The following HECW1 variants were observed in gnomAD, a reference collection of about 807,000 sequenced individuals.
HECW1 encodes the protein E3 ubiquitin-protein ligase HECW1.
HECW1 carries 61 observed loss-of-function variants against 182.3 expected under a neutral mutation model. That is an observed-to-expected ratio of 0.33 (90% CI 0.27 to 0.41). The LOEUF (loss-of-function observed/expected upper bound fraction) is 0.41. Ranked by LOEUF, HECW1 falls within the 10% of genes least tolerant of loss-of-function variation. The pLI, the probability that HECW1 is intolerant of heterozygous loss-of-function variation, is 1.00. For synonymous variants in HECW1, 859 were observed against 832.6 expected (o/e 1.03, Z -0.55); for missense variants, 1,739 against 2,108.9 (o/e 0.82, Z 3.44).
At chr7:43,274,644 GGAGAGAGA>G in intron 3 of HECW1, 1 of 313,590 alleles carries the variant, frequency 3.2e-6, no homozygotes, top group Non-Finnish European at 6.1e-6. Context: ...GGGGAGGGAG[GGAGAGAGA>G]GAGAGAGAGA....
At chr7:43,463,479 G>A (rs1467226314) in intron 13 of HECW1, among the ~76,000 whole-genome samples, 181 bp from the exon 14 acceptor site, 2 of 152,150 alleles carry the variant, frequency 1.3e-5, no homozygotes, top group Non-Finnish European at 2.9e-5. Flanking sequence ...AAAAGAACTT[G>A]AATCGTCTTA....
In HECW1 at chr7:43,216,960, G is replaced by A. The variant is rs1192541432; in HGVS notation, c.-31-26915G>A. On this transcript the variant is annotated intron_variant, in intron 2 of 29. Transcript: ENST00000395891. ...GTGAGCCACCACTCCCAGCTGCAGT[G>A]TAATCTTAAAGCATCCTTGCACCAG... 7.2e-5 allele frequency among the ~76,000 whole-genome samples: 11 copies of A among 152,228 alleles called. No homozygotes were observed. In the East Asian group the frequency reaches 1.9e-3, roughly 27 times the overall value.
At chr7:43,427,186 C>T (rs993304845) in intron 8 of HECW1, among the ~76,000 whole-genome samples, 7 of 152,208 alleles carry the variant, frequency 4.6e-5, no homozygotes, top group African/African-American at 1.7e-4. Flanking sequence ...TGATGTATAA[C>T]TAGACACAAA....
At chr7:43,217,145 A>C (rs1331979923) in intron 2 of HECW1, among the ~76,000 whole-genome samples, 4 of 149,966 alleles carry the variant, frequency 2.7e-5, no homozygotes, top group African/African-American at 1.0e-4. Context: ...GCAACTTATT[A>C]CCGAGTACAT....
intron 2 of HECW1, among the ~76,000 whole-genome samples, chr7:43,156,276 G>A (rs1789875085): frequency 6.6e-6 from 1 of 152,188 alleles, no homozygotes; most frequent in Non-Finnish European, 1.5e-5. Flanking sequence ...CAGAGTCTCT[G>A]AGGTATCTGG....
At chr7:43,438,342 A>G in intron 9 of HECW1, 197 bp downstream of exon 9, 1 of 462,776 alleles carries the variant, frequency 2.2e-6, no homozygotes, top group Non-Finnish European at 3.8e-6. Context: ...ATCCCTTTTC[A>G]CTTGATGTGT....
rs1473156187 is a variant in HECW1, at chr7:43,442,509, T to A, written c.945-20T>A. 1 of 1,555,900 alleles carries A rather than the reference T, an allele frequency of 6.4e-7. No homozygotes were observed. The highest frequency in any genetic ancestry group is 1.7e-5 in the Admixed American group (1 of 59,678). On this transcript the variant is annotated intron_variant, in intron 9 of 29. Coordinates refer to ENST00000395891, the MANE Select transcript of HECW1 (RefSeq NM_015052.5). ...AGAGAGGTATTGACCAGAACTGTGA[T>A]GGTGCTTATTTCCTTCTAGGGATAG...
chr7:43,358,176 G>A (rs905048884), intron 5 of HECW1, among the ~76,000 whole-genome samples: 8 of 152,080 alleles, frequency 5.3e-5, no homozygotes, highest in African/African-American at 4.8e-5. Flanking sequence ...TGATCCCACC[G>A]GCACCTACAG....
At chr7:43,277,208 T>C (rs1266033752) in intron 3 of HECW1, among the ~76,000 whole-genome samples, 1 of 152,140 alleles carries the variant, frequency 6.6e-6, no homozygotes, top group African/African-American at 2.4e-5. Flanking sequence ...ACTCAGGCAA[T>C]GGATGACCCT....
chr7:43,327,870 A>C (rs1247363013), intron 5 of HECW1, among the ~76,000 whole-genome samples: 1 of 152,140 alleles, frequency 6.6e-6, no homozygotes, highest in African/African-American at 2.4e-5. Context: ...CATAATAGTG[A>C]TTAAAGAGCA....
At chr7:43,225,397 G>C (rs183438662) in intron 2 of HECW1, among the ~76,000 whole-genome samples, 57 of 152,252 alleles carry the variant, frequency 3.7e-4, no homozygotes, top group African/African-American at 1.4e-3. Flanking sequence ...ACCAAGAGAC[G>C]TGGGCTTGTG....
chr7:43,362,131 CA>C (rs34879817), intron 6 of HECW1, among the ~76,000 whole-genome samples: 15,937 of 87,520 alleles, frequency 0.18, 654 homozygotes, highest in Non-Finnish European at 0.24. Context: ...AACTCCGTCT[CA>C]AAAAAAAAAA....
chr7:43,283,443 A>G (rs969813815), intron 3 of HECW1, among the ~76,000 whole-genome samples: 1 of 152,134 alleles, frequency 6.6e-6, no homozygotes, highest in Non-Finnish European at 1.5e-5. Flanking sequence ...CACTTTTTTT[A>G]ATTTTGGAAA....
chr7:43,215,130 T>G (rs1796329149), intron 2 of HECW1, among the ~76,000 whole-genome samples: 1 of 152,284 alleles, frequency 6.6e-6, no homozygotes, highest in East Asian at 1.9e-4. Context: ...ACATTCTTCT[T>G]GTTTACTAAC....
chr7:43,508,077 C>A lies in HECW1; in HGVS notation c.3812C>A (p.Ser1271Ter). The stretch of plus-strand genomic sequence containing the variant: ...ACCTTCAATCAGGTGATGGCCTATT[C>A]GCGGAAAGAGCTCCAGCGAAACAAG... ...EGTFNQVMAY[S>*]RKELQRNKLY... Residue 1271 changes from serine to a stop codon, truncating the protein, a stop_gained, in exon 23 of 30, where the codon TCG (serine) becomes TAG (stop). Coordinates refer to ENST00000395891, the MANE Select transcript of HECW1 (RefSeq NM_015052.5). LOFTEE classifies it high-confidence loss of function. 6.2e-7 allele frequency: 1 copy of A among 1,614,010 alleles called. No homozygotes were observed. The highest frequency in any genetic ancestry group is 8.5e-7 in the Non-Finnish European group (1 of 1,179,926).
intron 2 of HECW1, among the ~76,000 whole-genome samples, chr7:43,126,672 C>T (rs749528683): frequency 1.4e-4 from 22 of 152,158 alleles, no homozygotes; most frequent in Non-Finnish European, 2.8e-4. Flanking sequence ...TTTGGGCAAC[C>T]CTGAGTCCAG....
intron 2 of HECW1, among the ~76,000 whole-genome samples, chr7:43,134,308 C>T (rs182894893): frequency 9.5e-5 from 14 of 147,570 alleles, no homozygotes; most frequent in African/African-American, 2.5e-4. Flanking sequence ...GCAGAAGAAC[C>T]GCTTGAACCC....
At chr7:43,227,512 A>C (rs1797533497) in intron 2 of HECW1, among the ~76,000 whole-genome samples, 1 of 152,208 alleles carries the variant, frequency 6.6e-6, no homozygotes, top group Non-Finnish European at 1.5e-5. Flanking sequence ...GAAACATAAA[A>C]GATTTAATTT....
intron 3 of HECW1, among the ~76,000 whole-genome samples, chr7:43,290,066 G>A (rs1805198245): frequency 1.3e-5 from 2 of 152,340 alleles, no homozygotes; most frequent in East Asian, 1.9e-4. Context: ...GATTGTAAAT[G>A]TCTCTTTTCA....
Sources: allele counts gnomAD v4.1 joint callset (sites outside exome capture counted in the v4.1 genomes callset), GRCh38; gene constraint gnomAD v4.1.1; transcripts MANE v1.5; gene names NCBI Gene and HGNC (gene_info 2026-07-23, HGNC 2026-07-21).